The following DPP10 variants were observed in gnomAD, a reference collection of about 807,000 sequenced individuals.
The protein encoded by DPP10 is dipeptidyl peptidase like 10, also known as inactive dipeptidyl peptidase 10.
DPP10 carries 33 observed loss-of-function variants against 120.9 expected under a neutral mutation model. That is an observed-to-expected ratio of 0.27 (90% CI 0.21 to 0.37). The LOEUF (loss-of-function observed/expected upper bound fraction) is 0.37. Ranked by LOEUF, DPP10 falls within the 10% of genes least tolerant of loss-of-function variation. The pLI is 1.00. For synonymous variants in DPP10, 337 were observed against 326.1 expected (o/e 1.03, Z -0.36); for missense variants, 816 against 942.8 (o/e 0.87, Z 1.76).
At chr2:115,037,512 A>G (rs1281391531) in intron 1 of DPP10, among the ~76,000 whole-genome samples, 2 of 152,188 alleles carry the variant, frequency 1.3e-5, no homozygotes, top group Non-Finnish European at 2.9e-5. Flanking sequence ...AAGGCCAATA[A>G]AATTGTCCTC....
chr2:115,672,672 CTT>C (rs1491202811), intron 5 of DPP10, among the ~76,000 whole-genome samples: 1 of 122,716 alleles, frequency 8.1e-6, no homozygotes, highest in African/African-American at 3.2e-5. Context: ...TTCTTTCTCT[CTT>C]TCTTTCTCTT....
intron 1 of DPP10, among the ~76,000 whole-genome samples, chr2:114,744,269 A>G (rs1465942478): frequency 6.6e-6 from 1 of 152,196 alleles, no homozygotes; most frequent in Non-Finnish European, 1.5e-5. Context: ...GCAAAGAGTA[A>G]TAGGATTATA....
At chr2:114,878,876 G>A (rs1691371754) in intron 1 of DPP10, among the ~76,000 whole-genome samples, 1 of 152,132 alleles carries the variant, frequency 6.6e-6, no homozygotes. Flanking sequence ...GCTATTGTAA[G>A]TAGTGCTACA....
intron 1 of DPP10, among the ~76,000 whole-genome samples, chr2:114,687,618 G>A (rs1208212638): frequency 6.6e-6 from 1 of 151,874 alleles, no homozygotes; most frequent in Admixed American, 6.6e-5. Flanking sequence ...ATCCTAGATT[G>A]GATACTAAGA....
intron 1 of DPP10, among the ~76,000 whole-genome samples, chr2:115,221,157 A>G (rs989427656): frequency 1.3e-5 from 2 of 152,076 alleles, no homozygotes; most frequent in African/African-American, 4.8e-5. Context: ...GTATTTTTGA[A>G]TTAAAGTACG....
At chr2:114,957,033 G>A (rs551531313) in intron 1 of DPP10, among the ~76,000 whole-genome samples, 5 of 146,500 alleles carry the variant, frequency 3.4e-5, no homozygotes, top group Admixed American at 6.8e-5. Flanking sequence ...TCTGAGCAAA[G>A]GTTTCTTGGA....
intron 1 of DPP10, among the ~76,000 whole-genome samples, chr2:114,887,877 C>T (rs1043291604): frequency 3.3e-5 from 5 of 152,154 alleles, no homozygotes; most frequent in South Asian, 2.1e-4. Context: ...AGGTGGCTCA[C>T]GCCTGTTATT....
chr2:115,450,299 TA>T (rs2073002059), intron 3 of DPP10, among the ~76,000 whole-genome samples: 1 of 151,974 alleles, frequency 6.6e-6, no homozygotes, highest in Non-Finnish European at 1.5e-5. Context: ...TGGAAAAAGA[TA>T]AAAATTCAAA....
At chr2:114,923,472 CTTTTTTTTTTTTTTT>C (rs71394115) in intron 1 of DPP10, among the ~76,000 whole-genome samples, 17 of 69,420 alleles carry the variant, frequency 2.4e-4, no homozygotes, top group East Asian at 4.1e-4. Flanking sequence ...GCCTTTTTTC[CTTTTTTTTTTTTTTT>C]TTTTTTTTTT....
intron 1 of DPP10, among the ~76,000 whole-genome samples, chr2:114,864,082 A>G (rs1217231354): frequency 1.3e-5 from 2 of 152,226 alleles, no homozygotes; most frequent in Non-Finnish European, 2.9e-5. Flanking sequence ...CAATGAAAAT[A>G]AGGAAGGTCT....
chr2:115,495,026 G>A (rs1339016201), intron 3 of DPP10, among the ~76,000 whole-genome samples: 1 of 152,098 alleles, frequency 6.6e-6, no homozygotes, highest in African/African-American at 2.4e-5. Context: ...AATTTTGTCG[G>A]ATTTCAACTT....
chr2:115,148,560 T>C (rs2051357496), intron 1 of DPP10, among the ~76,000 whole-genome samples: 1 of 152,200 alleles, frequency 6.6e-6, no homozygotes, highest in Non-Finnish European at 1.5e-5. Flanking sequence ...AGCTAGAGGT[T>C]TATCATCACT....
chr2:115,353,191 A>C (rs1051310699), intron 3 of DPP10, among the ~76,000 whole-genome samples: 3 of 152,058 alleles, frequency 2.0e-5, no homozygotes, highest in Non-Finnish European at 4.4e-5. Context: ...GTCTTTATGG[A>C]AAAGATAAAA....
Position 115,499,587 on chromosome 2 carries a change from T to C in DPP10, c.349T>C (p.Leu117=), listed in dbSNP as rs767675553. The change falls in exon 4 of 26, where the codon TTG becomes CTG. Residue 117 remains leucine, a synonymous_variant. Coordinates refer to ENST00000410059, the MANE Select transcript of DPP10 (RefSeq NM_020868.6). ...AGAAACAAATGCTACCACATTATTATTGGAAAACACAACTTTTGTAAGTAA... is the reference window on the plus strand; with the variant it reads ...AGAAACAAATGCTACCACATTATTACTGGAAAACACAACTTTTGTAAGTAA... ...NIETNATTLL[L]ENTTFVTFKA... is the part of the protein sequence containing the mutation. 6.2e-7 allele frequency: 1 copy of C among 1,611,138 alleles called. No individual in the cohort carries two copies. Among genetic ancestry groups the C allele is most frequent in the Admixed American group, 1.7e-5 (1 of 59,726 alleles).
intron 1 of DPP10, among the ~76,000 whole-genome samples, chr2:114,765,453 AAG>A (rs1349582995): frequency 6.6e-6 from 1 of 152,130 alleles, no homozygotes; most frequent in East Asian, 1.9e-4. Flanking sequence ...TATGTGAACA[AAG>A]AGGCACTACT....
intron 1 of DPP10, among the ~76,000 whole-genome samples, chr2:115,217,907 C>T (rs2056924208): frequency 6.6e-6 from 1 of 152,144 alleles, no homozygotes; most frequent in South Asian, 2.1e-4. Flanking sequence ...TCTCAGACCC[C>T]AGTCTAGGCT....
At chr2:115,389,460 C>A in intron 3 of DPP10, among the ~76,000 whole-genome samples, 1 of 152,258 alleles carries the variant, frequency 6.6e-6, no homozygotes, top group East Asian at 1.9e-4. Context: ...GAGAAGGAAT[C>A]ATTGCTATTT....
intron 1 of DPP10, among the ~76,000 whole-genome samples, chr2:114,801,091 G>A (rs529472349): frequency 6.6e-5 from 10 of 151,642 alleles, no homozygotes; most frequent in African/African-American, 1.9e-4. Context: ...GTAAAACCCC[G>A]TCTCTACTAA....
At chr2:115,522,351 C>A (rs2077861736) in intron 4 of DPP10, among the ~76,000 whole-genome samples, 1 of 152,114 alleles carries the variant, frequency 6.6e-6, no homozygotes, top group Admixed American at 6.6e-5. Flanking sequence ...TTATCCTGAA[C>A]AATATGGAAA....
Sources: allele counts gnomAD v4.1 joint callset (sites outside exome capture counted in the v4.1 genomes callset), GRCh38; gene constraint gnomAD v4.1.1; transcripts MANE v1.5; gene names NCBI Gene and HGNC (gene_info 2026-07-23, HGNC 2026-07-21).